Variants in CSF2RA observed in about 807,000 individuals in gnomAD.
The protein encoded by CSF2RA is colony stimulating factor 2 receptor subunit alpha.
Under a neutral mutation model 51.6 loss-of-function variants are expected in CSF2RA, and 42 were observed. That is an observed-to-expected ratio of 0.81 (90% CI 0.64 to 1.05). CSF2RA has a LOEUF of 1.05. Among genes scored for constraint, CSF2RA ranks in the 50% least tolerant of loss-of-function variants. CSF2RA has a pLI of 0.00. For missense variants in CSF2RA, 530 were observed against 501.1 expected, an observed-to-expected ratio of 1.06 and a Z score of -0.55; for synonymous variants, 222 against 193.0, an observed-to-expected ratio of 1.15 and a Z score of -1.24.
At chrX:1,286,748 T>C (rs1318943311) in intron 4 of CSF2RA, among the ~76,000 whole-genome samples, 3 of 152,146 alleles carry the variant, frequency 2.0e-5, no homozygotes, top group African/African-American at 7.2e-5. Flanking sequence ...GCAGAGCCTA[T>C]GTTACCGTAT....
At position 1,294,374 on chromosome X, in the gene CSF2RA, G is replaced by A. The variant is rs769104113; in HGVS notation, c.693G>A (p.Thr231=). 79 of 1,613,896 alleles carry A rather than the reference G, an allele frequency of 4.9e-5. 1 individual carries two copies. In the South Asian group the frequency reaches 6.0e-4, roughly 12 times the overall value. Residue 231 remains threonine, a synonymous_variant, in exon 8 of 13, where the codon ACG becomes ACA. Coordinates refer to ENST00000381529, the MANE Select transcript of CSF2RA (RefSeq NM_172245.4). ...PSNVTVRCNT[T]HCLVRWKQPR... The stretch of plus-strand genomic sequence containing the variant: ...ATGTCACCGTACGTTGCAACACGAC[G>A]CACTGCCTCGTACGGTGGAAACAGC...
At chrX:1,302,991 C>G (rs1394308111) in intron 10 of CSF2RA, 42 of 222,750 alleles carry the variant, frequency 1.9e-4, no homozygotes, top group Non-Finnish European at 3.0e-4. Context: ...CCTGCCTCAG[C>G]CTCCCGAGTA....
chrX:1,288,999 T>C, intron 6 of CSF2RA, 111 bp downstream of exon 6: 1 of 1,459,578 alleles, frequency 6.9e-7, no homozygotes, highest in Non-Finnish European at 9.5e-7. Context: ...TCTTGCTCTG[T>C]TGCCCAGGCT....
chrX:1,320,664 ATTTTT>A, the CSF2RA span, among the ~76,000 whole-genome samples: 2 of 123,382 alleles, frequency 1.6e-5, no homozygotes, highest in African/African-American at 2.9e-5. Flanking sequence ...TGCCCAGCTA[ATTTTT>A]TTTTTTTTTT....
intron 7 of CSF2RA, among the ~76,000 whole-genome samples, chrX:1,290,868 A>G (rs1304868927): frequency 6.6e-6 from 1 of 152,066 alleles, no homozygotes; most frequent in African/African-American, 2.4e-5. Context: ...CTCAAAAACA[A>G]ACAAACAAAA....
the CSF2RA span, among the ~76,000 whole-genome samples, chrX:1,321,850 C>T: frequency 1.3e-5 from 2 of 152,078 alleles, no homozygotes; most frequent in Non-Finnish European, 2.9e-5. Context: ...CAAGTATCAG[C>T]CGGGTGCGGT....
chrX:1,291,274 TCTTTTTTCTTC>T (rs1419578563), intron 7 of CSF2RA, among the ~76,000 whole-genome samples: 1 of 79,002 alleles, frequency 1.3e-5, no homozygotes, highest in Non-Finnish European at 3.1e-5. Context: ...CTGCCTTTCT[TCTTTTTTCTTC>T]CTTCCTTCCT....
At chrX:1,296,372 G>T (rs111392016) in intron 9 of CSF2RA, among the ~76,000 whole-genome samples, 1 of 70,710 alleles carries the variant, frequency 1.4e-5, no homozygotes, top group Non-Finnish European at 2.8e-5. Context: ...CCCTACTCAC[G>T]ACCCGTACAG....
chrX:1,311,547 C>T (rs1245841801), downstream of CSF2RA, among the ~76,000 whole-genome samples: 1 of 151,956 alleles, frequency 6.6e-6, no homozygotes, highest in African/African-American at 2.4e-5. Flanking sequence ...AATTCCCCTG[C>T]CTCAGCCTCC....
chrX:1,291,343 C>G (rs2091381152), intron 7 of CSF2RA, among the ~76,000 whole-genome samples: 1 of 146,692 alleles, frequency 6.8e-6, no homozygotes, highest in Non-Finnish European at 1.5e-5. Flanking sequence ...CCTTCCCTCC[C>G]TTCTTCCTTC....
chrX:1,287,552 T>C (rs1569499964), intron 4 of CSF2RA, among the ~76,000 whole-genome samples: 2 of 149,266 alleles, frequency 1.3e-5, no homozygotes, highest in South Asian at 4.2e-4. Context: ...CAAGAGATTC[T>C]CCTGCCTCAG....
At position 1,284,195 on chromosome X, in the gene CSF2RA, C is replaced by CTCTTTTTTTTTT. The variant is rs1443798206; in HGVS notation, c.76+1417_76+1418insCTTTTTTTTTTT. 6.5e-5 allele frequency among the ~76,000 whole-genome samples: 6 copies of CTCTTTTTTTTTT among 91,750 alleles called. 1 individual carries two copies. The highest frequency in any genetic ancestry group is 2.4e-4 in the African/African-American group (6 of 25,370). The allele number at this position is 91,750 out of a possible 152,430, so 60.2% of individuals were successfully genotyped here. ...CAAGCGGTTTTCTTTCTCTGTCTCT[C>CTCTTTTTTTTTT]TTTTTTTTTTTTTTTTTTTTTTTTT... On this transcript the variant is annotated intron_variant, in intron 3 of 12. Coordinates refer to ENST00000381529, the MANE Select transcript of CSF2RA (RefSeq NM_172245.4).
chrX:1,270,492 G>A (rs1430307267), intron 1 of CSF2RA, among the ~76,000 whole-genome samples: 1 of 152,008 alleles, frequency 6.6e-6, no homozygotes, highest in Non-Finnish European at 1.5e-5. Flanking sequence ...TCCTGCCCCA[G>A]CCTCCCAAAG....
At chrX:1,269,005 C>G (rs1198674891) in intron 1 of CSF2RA, 126 bp downstream of exon 1, 2 of 395,040 alleles carry the variant, frequency 5.1e-6, no homozygotes, top group Admixed American at 2.8e-5. Flanking sequence ...AACGTTGGCT[C>G]GAGCCGAAGT....
intron 4 of CSF2RA, among the ~76,000 whole-genome samples, chrX:1,287,393 C>A (rs1402313286): frequency 3.1e-4 from 46 of 148,554 alleles, no homozygotes; most frequent in African/African-American, 9.5e-4. Context: ...ACCTCGTGAT[C>A]CACCCTCCTT....
At position 1,290,416 on chromosome X, in the gene CSF2RA, G is replaced by A. The variant is rs1351674509; in HGVS notation, c.553G>A (p.Gly185Arg). ...HVGCHLDNLS[G>R]LTSRNYFLVN... ...GGGATGTCACCTGGATAACCTGTCA[G>A]GATTAACGTCTCGCAATTACTTTCT... The change falls in exon 7 of 13, where the codon GGA (glycine) becomes AGA (arginine). Residue 185 changes from glycine (G) to arginine (R), a missense_variant. Coordinates refer to ENST00000381529, the MANE Select transcript of CSF2RA (RefSeq NM_172245.4). 5.6e-6 allele frequency: 9 copies of A among 1,613,602 alleles called. No individual in the cohort carries two copies. The Admixed American group carries it at 1.5e-4, about 27-fold the overall frequency.
At chrX:1,323,187 T>TA in the CSF2RA span, among the ~76,000 whole-genome samples, 1 of 48,550 alleles carries the variant, frequency 2.1e-5, no homozygotes, top group Non-Finnish European at 5.9e-5. Context: ...AAATAAAATA[T>TA]AAAATGGTCT....
At chrX:1,316,662 C>T in the CSF2RA span, among the ~76,000 whole-genome samples, 1 of 152,202 alleles carries the variant, frequency 6.6e-6, no homozygotes, top group South Asian at 2.1e-4. Flanking sequence ...CGGGAGGGAA[C>T]ACCGGCGTCA....
chrX:1,274,863 C>T, intron 2 of CSF2RA, 45 bp downstream of exon 2: 1 of 451,658 alleles, frequency 2.2e-6, no homozygotes, highest in Non-Finnish European at 4.4e-6. Flanking sequence ...TGGGGATTTT[C>T]TTTTTTTTAA....
Sources: allele counts gnomAD v4.1 joint callset (sites outside exome capture counted in the v4.1 genomes callset), GRCh38; gene constraint gnomAD v4.1.1; transcripts MANE v1.5; gene names NCBI Gene and HGNC (gene_info 2026-07-23, HGNC 2026-07-21).